Variants in DOK6 observed in about 807,000 individuals in gnomAD.
DOK6 encodes the protein downstream of tyrosine kinase 6.
DOK6 carries 22 observed loss-of-function variants against 44.0 expected under a neutral mutation model. That is an observed-to-expected ratio of 0.50 (90% CI 0.36 to 0.71). The LOEUF is 0.71. Ranked by LOEUF, DOK6 falls within the 30% of genes least tolerant of loss-of-function variation. DOK6 has a pLI of 0.00. For missense variants in DOK6, 340 were observed against 416.4 expected, an observed-to-expected ratio of 0.82 and a Z score of 1.60; for synonymous variants, 166 against 145.5, an observed-to-expected ratio of 1.14 and a Z score of -1.01.
At chr18:69,697,941 A>T (rs72965509) in intron 4 of DOK6, among the ~76,000 whole-genome samples, 4,548 of 152,296 alleles carry the variant, frequency 0.03, 112 homozygotes, top group African/African-American at 0.066. Context: ...TTAGTGAGTC[A>T]GTCTGAGGGT....
intron 3 of DOK6, among the ~76,000 whole-genome samples, chr18:69,672,041 T>C (rs774689215): frequency 8.5e-5 from 13 of 152,166 alleles, no homozygotes; most frequent in Non-Finnish European, 1.6e-4. Context: ...TACACTGTTA[T>C]GGAAATGTAG....
chr18:69,601,282 C>T (rs1332464244), intron 3 of DOK6, among the ~76,000 whole-genome samples: 1 of 152,164 alleles, frequency 6.6e-6, no homozygotes, highest in Non-Finnish European at 1.5e-5. Flanking sequence ...TGATTTACAT[C>T]CTGATACTTA....
At chr18:69,610,432 C>CA (rs1046176808) in intron 3 of DOK6, among the ~76,000 whole-genome samples, 2 of 152,056 alleles carry the variant, frequency 1.3e-5, no homozygotes, top group East Asian at 1.9e-4. Flanking sequence ...TGTATAACGG[C>CA]AAAAAAATTA....
intron 2 of DOK6, among the ~76,000 whole-genome samples, chr18:69,566,013 G>A (rs997684526): frequency 6.6e-6 from 1 of 152,130 alleles, no homozygotes; most frequent in African/African-American, 2.4e-5. Context: ...AATTTTGATG[G>A]GCTGAGCATA....
intron 2 of DOK6, among the ~76,000 whole-genome samples, chr18:69,586,694 C>G (rs952314047): frequency 2.6e-5 from 4 of 152,164 alleles, no homozygotes; most frequent in Admixed American, 6.5e-5. Context: ...CTTGCTGCGG[C>G]CCCCATCAGA....
chr18:69,547,193 T>C (rs113406785), intron 1 of DOK6, among the ~76,000 whole-genome samples: 8,082 of 151,652 alleles, frequency 0.053, 725 homozygotes, highest in African/African-American at 0.18. Flanking sequence ...CTCTGCCTCC[T>C]GTGTTCAAGC....
chr18:69,614,260 C>A (rs543754492), intron 3 of DOK6, among the ~76,000 whole-genome samples: 83 of 152,188 alleles, frequency 5.5e-4, no homozygotes, highest in African/African-American at 2.0e-3. Context: ...TTGGCATAAT[C>A]TTTCCTACCA....
intron 1 of DOK6, among the ~76,000 whole-genome samples, chr18:69,545,528 A>G (rs1412327345): frequency 6.6e-6 from 1 of 150,482 alleles, no homozygotes; most frequent in Non-Finnish European, 1.5e-5. Flanking sequence ...AAAAAAAAAA[A>G]AAAAAGAAAA....
chr18:69,841,150 T>TATAG (rs761226497), intron 7 of DOK6, 94 bp from the exon 8 acceptor site: 126 of 1,483,872 alleles, frequency 8.5e-5, no homozygotes, highest in Non-Finnish European at 8.2e-5. Flanking sequence ...TTCTTAAAAA[T>TATAG]ATAGATAGAT....
At chr18:69,551,234 C>T (rs537994136) in intron 1 of DOK6, among the ~76,000 whole-genome samples, 22 of 152,222 alleles carry the variant, frequency 1.4e-4, no homozygotes, top group African/African-American at 5.1e-4. Context: ...GAAAATAACA[C>T]AGTTACATTA....
rs1007303197 is a variant in DOK6, at chr18:69,514,873, G to A, written c.67-49614G>A. Among the ~76,000 whole-genome samples, 199 of 150,134 alleles carry A rather than the reference G, an allele frequency of 1.3e-3. 4 individuals carry two copies. Among genetic ancestry groups the A allele is most frequent in the Non-Finnish European group, 5.9e-5 (4 of 67,726 alleles). On this transcript the variant is annotated intron_variant, in intron 1 of 7. Transcript: ENST00000382713. ...TTTTGAAGAAACAGATGCTTGCTAT[G>A]GGCTTTGCAGGCATTGCCATTCAGC...
intron 1 of DOK6, among the ~76,000 whole-genome samples, chr18:69,471,250 C>CAAAAAAAAAAA: frequency 3.6e-5 from 1 of 27,780 alleles, no homozygotes; most frequent in Non-Finnish European, 6.7e-5. Context: ...AACTCCATCT[C>CAAAAAAAAAAA]AAAAAAAAAA....
chr18:69,736,638 T>TG (rs1281611502), intron 5 of DOK6, among the ~76,000 whole-genome samples: 1 of 152,186 alleles, frequency 6.6e-6, no homozygotes, highest in Non-Finnish European at 1.5e-5. Context: ...GCAAGGGAAT[T>TG]GGGGGTTCAA....
chr18:69,702,082 G>A (rs1986533152), intron 5 of DOK6, among the ~76,000 whole-genome samples: 1 of 149,990 alleles, frequency 6.7e-6, no homozygotes, highest in African/African-American at 2.4e-5. Context: ...TCTCACATAT[G>A]GACTCCAACA....
At chr18:69,821,662 T>C (rs901094090) in intron 7 of DOK6, among the ~76,000 whole-genome samples, 3 of 152,154 alleles carry the variant, frequency 2.0e-5, no homozygotes, top group African/African-American at 4.8e-5. Flanking sequence ...AAAAGCTTGA[T>C]TCCAAAACCA....
At chr18:69,748,860 G>A (rs193239814) in intron 6 of DOK6, among the ~76,000 whole-genome samples, 4 of 152,262 alleles carry the variant, frequency 2.6e-5, no homozygotes, top group Admixed American at 2.6e-4. Context: ...GCATGCATAT[G>A]TTCACTGAAG....
chr18:69,810,145 T>A (rs1281553671), intron 7 of DOK6, among the ~76,000 whole-genome samples: 2 of 151,948 alleles, frequency 1.3e-5, no homozygotes, highest in Non-Finnish European at 2.9e-5. Flanking sequence ...CATAGACCAA[T>A]GGAATAGAAT....
intron 1 of DOK6, among the ~76,000 whole-genome samples, chr18:69,412,225 G>C (rs1443552484): frequency 6.6e-6 from 1 of 152,044 alleles, no homozygotes; most frequent in South Asian, 2.1e-4. Context: ...TGTGGAGGTA[G>C]AGGTCATGTG....
At chr18:69,674,639 C>T (rs1985880239) in intron 3 of DOK6, among the ~76,000 whole-genome samples, 1 of 151,836 alleles carries the variant, frequency 6.6e-6, no homozygotes, top group African/African-American at 2.4e-5. Flanking sequence ...CACACTCACA[C>T]CCACATACTC....
Sources: allele counts gnomAD v4.1 joint callset (sites outside exome capture counted in the v4.1 genomes callset), GRCh38; gene constraint gnomAD v4.1.1; transcripts MANE v1.5; gene names NCBI Gene and HGNC (gene_info 2026-07-23, HGNC 2026-07-21).